Variants in CCDC191 observed in about 807,000 individuals in gnomAD.
The protein encoded by CCDC191 is coiled-coil domain containing 191, also known as coiled-coil domain-containing protein 191.
Under a neutral mutation model 114.0 loss-of-function variants are expected in CCDC191, and 99 were observed. That is an observed-to-expected ratio of 0.87 (90% CI 0.74 to 1.03). The LOEUF is 1.03. Ranked by LOEUF, CCDC191 falls within the 50% of genes least tolerant of loss-of-function variation. The probability of loss-of-function intolerance (pLI) is 0.00; values close to 1 mark genes in which losing one functional copy is unlikely to be tolerated. For synonymous variants in CCDC191, 351 were observed against 376.0 expected (o/e 0.93, Z 0.77); for missense variants, 973 against 1,087.0 (o/e 0.90, Z 1.47).
At chr3:113,973,638 ATCCTGCTGTC>A (rs1941043405) in intron 16 of CCDC191, among the ~76,000 whole-genome samples, 1 of 149,236 alleles carries the variant, frequency 6.7e-6, no homozygotes, top group South Asian at 2.1e-4. Flanking sequence ...TGAAAATCTC[ATCCTGCTGTC>A]TCCTGGCCTA....
Position 114,018,710 on chromosome 3 carries a change from T to G in CCDC191, c.1131A>C (p.Gln377His). ...CTTCCCTAAGATCATTTTCCAAGGC[T>G]TGAGTCTCCCGCTCCAACTTCTGGA... ...TRFQKLERET[Q>H]ALENDLREEN... is the part of the protein sequence containing the mutation. The change falls in exon 8 of 17, where the codon CAA (glutamine) becomes CAC (histidine). Residue 377 changes from glutamine (Q) to histidine (H), a missense_variant. Gln to His is a conservative substitution (Grantham distance 24, BLOSUM62 0). Coordinates refer to ENST00000295878, the MANE Select transcript of CCDC191 (RefSeq NM_020817.2). 6.2e-7 allele frequency: 1 copy of G among 1,612,642 alleles called. No homozygotes were observed. The highest frequency in any genetic ancestry group is 8.5e-7 in the Non-Finnish European group (1 of 1,179,434).
chr3:114,035,796 A>G (rs1375263375), intron 5 of CCDC191, among the ~76,000 whole-genome samples: 1 of 152,148 alleles, frequency 6.6e-6, no homozygotes, highest in African/African-American at 2.4e-5. Context: ...ACTAGTTGTG[A>G]TAAGTCTTCT....
At chr3:114,034,695 G>GAATT (rs2076455892) in intron 6 of CCDC191, among the ~76,000 whole-genome samples, 1 of 152,034 alleles carries the variant, frequency 6.6e-6, no homozygotes, top group Non-Finnish European at 1.5e-5. Flanking sequence ...ACAACAAGCA[G>GAATT]AATTACAAAT....
chr3:114,002,734 C>A (rs2075878573), intron 11 of CCDC191, 196 bp from the exon 12 acceptor site: 1 of 917,852 alleles, frequency 1.1e-6, no homozygotes, highest in African/African-American at 1.8e-5. Flanking sequence ...GACCTATTAT[C>A]CCATCCTCAG....
At chr3:114,027,646 CACAA>C (rs1457029697) in intron 7 of CCDC191, among the ~76,000 whole-genome samples, 7 of 145,670 alleles carry the variant, frequency 4.8e-5, no homozygotes, top group Non-Finnish European at 1.1e-4. Context: ...AGAATTAAAG[CACAA>C]ACAATTACAG....
intron 11 of CCDC191, 21 bp downstream of exon 11, chr3:114,004,616 C>A (rs771528197): frequency 1.9e-6 from 3 of 1,607,826 alleles, no homozygotes; most frequent in South Asian, 1.1e-5. Context: ...ACCACCAAGG[C>A]CACCACCGAG....
intron 5 of CCDC191, 52 bp downstream of exon 5, chr3:114,036,556 T>C (rs2076486217): frequency 7.5e-7 from 1 of 1,327,208 alleles, no homozygotes; most frequent in African/African-American, 1.5e-5. Context: ...TTAAATGTGT[T>C]ACACAAAGAC....
chr3:113,967,481 C>CCTAT (rs112244179), intron 16 of CCDC191, among the ~76,000 whole-genome samples: 1,955 of 152,200 alleles, frequency 0.013, 40 homozygotes, highest in African/African-American at 0.044. Context: ...TTATTTATAG[C>CCTAT]CTATCTATAG....
At position 114,018,702 on chromosome 3, in the gene CCDC191, T is replaced by C; in HGVS notation, c.1139A>G (p.Glu380Gly). 6.2e-7 allele frequency: 1 copy of C among 1,611,914 alleles called. No homozygotes were observed. Among genetic ancestry groups the C allele is most frequent in the Non-Finnish European group, 8.5e-7 (1 of 1,179,130 alleles). Residue 380 changes from glutamate (E) to glycine (G), a missense_variant, in exon 8 of 17, where the codon GAA (glutamate) becomes GGA (glycine). By Grantham distance (98) the Glu-to-Gly change is moderately conservative (BLOSUM62 -2). Transcript: ENST00000295878. ...CCTGTTTTCTTCCCTAAGATCATTTTCCAAGGCTTGAGTCTCCCGCTCCAA... is the reference window on the plus strand; with the variant it reads ...CCTGTTTTCTTCCCTAAGATCATTTCCCAAGGCTTGAGTCTCCCGCTCCAA... Reference protein sequence around the residue: ...QKLERETQALENDLREENRKQ... With the variant: ...QKLERETQALGNDLREENRKQ...
intron 8 of CCDC191, 75 bp downstream of exon 8, chr3:114,018,603 G>T: frequency 1.3e-5 from 16 of 1,226,216 alleles, no homozygotes; most frequent in South Asian, 8.2e-5. Flanking sequence ...CATGTGTAAA[G>T]TTTATTTGTG....
intron 11 of CCDC191, 162 bp downstream of exon 11, chr3:114,004,475 G>T: frequency 7.5e-7 from 1 of 1,329,442 alleles, no homozygotes; most frequent in East Asian, 3.2e-5. Flanking sequence ...GGGGCTCTCT[G>T]GTGTACTCCA....
intron 11 of CCDC191, chr3:114,003,288 G>A (rs1211480634): frequency 7.1e-6 from 7 of 985,264 alleles, no homozygotes; most frequent in Non-Finnish European, 8.4e-6. Flanking sequence ...GCTCACCTAA[G>A]CCAGCCAATA....
intron 13 of CCDC191, among the ~76,000 whole-genome samples, chr3:113,993,656 G>A (rs2075638889): frequency 6.6e-6 from 1 of 151,910 alleles, no homozygotes; most frequent in Non-Finnish European, 1.5e-5. Context: ...AGGCTGAGGT[G>A]GGTGGATCAC....
chr3:114,001,540 T>A, intron 13 of CCDC191, 55 bp downstream of exon 13: 1 of 1,603,784 alleles, frequency 6.2e-7, no homozygotes, highest in Non-Finnish European at 8.5e-7. Flanking sequence ...AGGGCCACAG[T>A]ATCACACACA....
chr3:114,040,494 T>C (rs1029064022), intron 4 of CCDC191, among the ~76,000 whole-genome samples: 1 of 152,170 alleles, frequency 6.6e-6, no homozygotes, highest in Non-Finnish European at 1.5e-5. Context: ...GAAAATGCAC[T>C]TTTTGTTTCT....
intron 9 of CCDC191, among the ~76,000 whole-genome samples, chr3:114,009,447 T>TA (rs1239655069): frequency 6.6e-6 from 1 of 152,166 alleles, no homozygotes; most frequent in Non-Finnish European, 1.5e-5. Context: ...GGTTGTTTTT[T>TA]AAAAAAATTT....
chr3:114,029,931 A>ATTT (rs1343236153), intron 7 of CCDC191, among the ~76,000 whole-genome samples: 61 of 152,316 alleles, frequency 4.0e-4, no homozygotes, highest in Middle Eastern at 6.8e-3. Flanking sequence ...AGATGTAATA[A>ATTT]ATAAATGCAG....
At chr3:114,034,369 G>A (rs1236288087) in intron 6 of CCDC191, among the ~76,000 whole-genome samples, 1 of 152,110 alleles carries the variant, frequency 6.6e-6, no homozygotes, top group Non-Finnish European at 1.5e-5. Context: ...AAACTGGCCT[G>A]CTGCTGATGA....
chr3:114,009,587 C>T (rs2076032942), intron 9 of CCDC191, among the ~76,000 whole-genome samples: 1 of 152,130 alleles, frequency 6.6e-6, no homozygotes, highest in Admixed American at 6.5e-5. Flanking sequence ...TATGGGACCA[C>T]CACTGTGTAT....
Sources: allele counts gnomAD v4.1 joint callset (sites outside exome capture counted in the v4.1 genomes callset), GRCh38; gene constraint gnomAD v4.1.1; transcripts MANE v1.5; gene names NCBI Gene and HGNC (gene_info 2026-07-23, HGNC 2026-07-21).